The following KHSRP variants were observed in gnomAD, a reference collection of about 807,000 sequenced individuals.
KHSRP encodes the protein KH-type splicing regulatory protein, also known as far upstream element-binding protein 2.
KHSRP carries 13 observed loss-of-function variants against 94.9 expected under a neutral mutation model. That is an observed-to-expected ratio of 0.14 (90% confidence interval 0.09 to 0.22). The LOEUF (loss-of-function observed/expected upper bound fraction) is 0.22, where lower values mean the gene tolerates loss of function less well. Among genes scored for constraint, KHSRP ranks in the 10% least tolerant of loss-of-function variants. The probability of loss-of-function intolerance (pLI) is 1.00; values close to 1 mark genes in which losing one functional copy is unlikely to be tolerated. For missense variants in KHSRP, 710 were observed against 1,010.0 expected, an observed-to-expected ratio of 0.70 and a Z score of 4.03; for synonymous variants, 495 against 401.4, an observed-to-expected ratio of 1.23 and a Z score of -2.79.
Position 6,414,266 on chromosome 19 carries a change from G to T in KHSRP, c.*758C>A. ...CTGCGCTGGCTCAGGCTGGAAGGAC[G>T]TGCTTGTTAACTGTCTAGCCAGGTG... is the stretch of plus-strand genomic sequence containing the variant. On this transcript the variant is annotated 3_prime_UTR_variant, in exon 19 of 19. Coordinates refer to ENST00000600480, the MANE Select transcript of KHSRP (RefSeq NM_001366299.1). The T allele has an allele frequency of 2.1e-6, 3 of 1,458,790 alleles. No homozygotes were observed. The highest frequency in any genetic ancestry group is 2.7e-6 in the Non-Finnish European group (3 of 1,102,078). The allele number at this position is 1,458,790 out of a possible 1,614,324, so 90.4% of individuals were successfully genotyped here.
Position 6,414,827 on chromosome 19 carries a change from T to TGCCC in KHSRP, c.*193_*196dup, listed in dbSNP as rs1014318888. The TGCCC allele has an allele frequency of 1.6e-6, 2 of 1,227,250 alleles. No homozygotes were observed. Among genetic ancestry groups the TGCCC allele is most frequent in the African/African-American group, 3.1e-5 (2 of 64,064 alleles). 76.0% of individuals were successfully genotyped at this position (1,227,250 alleles called of 1,614,324 possible). ...GTGCCCACCGTCCGCGCTGTCTGCCTGCCCCCCGACTCCCCAGCAGTTCAG... is the reference window on the plus strand; with the variant it reads ...GTGCCCACCGTCCGCGCTGTCTGCCTGCCCGCCCCCCGACTCCCCAGCAGTTCAG... On this transcript the variant is annotated 3_prime_UTR_variant, in exon 19 of 19. Coordinates refer to ENST00000600480, the MANE Select transcript of KHSRP (RefSeq NM_001366299.1).
At position 6,414,840 on chromosome 19, in the gene KHSRP, C is replaced by G; in HGVS notation, c.*184G>C. 1 of 1,260,346 alleles carries G rather than the reference C, an allele frequency of 7.9e-7. No homozygotes were observed. The highest frequency in any genetic ancestry group is 1.0e-6 in the Non-Finnish European group (1 of 1,001,022). The allele number at this position is 1,260,346 out of a possible 1,614,324, so 78.1% of individuals were successfully genotyped here. On this transcript the variant is annotated 3_prime_UTR_variant, in exon 19 of 19. Coordinates refer to ENST00000600480, the MANE Select transcript of KHSRP (RefSeq NM_001366299.1). ...GCGCTGTCTGCCTGCCCCCCGACTCCCCAGCAGTTCAGAAGTCCCGCCTGC... is the reference window on the plus strand; with the variant it reads ...GCGCTGTCTGCCTGCCCCCCGACTCGCCAGCAGTTCAGAAGTCCCGCCTGC...
At position 6,414,875 on chromosome 19, in the gene KHSRP, C is replaced by T. The variant is rs2092131218; in HGVS notation, c.*149G>A. On this transcript the variant is annotated 3_prime_UTR_variant, in exon 19 of 19. Coordinates refer to ENST00000600480, the MANE Select transcript of KHSRP (RefSeq NM_001366299.1). ...CAGAAGTCCCGCCTGCGAGTCTCAG[C>T]GCTCCCCAGCATCACGACAGCGGCA... 3.7e-6 allele frequency: 5 copies of T among 1,334,188 alleles called. No individual in the cohort carries two copies. Among genetic ancestry groups the T allele is most frequent in the East Asian group, 3.0e-5 (1 of 32,798 alleles). The allele number at this position is 1,334,188 out of a possible 1,614,324, so 82.6% of individuals were successfully genotyped here.
chr19:6,416,918 T>C, intron 12 of KHSRP, 36 bp from the exon 13 acceptor site: 2 of 1,612,770 alleles, frequency 1.2e-6, no homozygotes, highest in Non-Finnish European at 8.5e-7. Flanking sequence ...TGATGAACCC[T>C]GGAAGCCGGT....
rs781745418 is a variant in KHSRP, at chr19:6,416,320, C to G, written c.1576G>C (p.Gly526Arg). ...CACTGTGGGGGAGCCCCGGGTGGCC[C>G]CTGGTTGAAGGGCCCAGGATTGAAG... ...GPFNPGPFNQ[G>R]PPGAPPHAGG... Residue 526 changes from glycine to arginine, a missense_variant, in exon 15 of 19, where the codon GGG becomes CGG. Coordinates refer to ENST00000600480, the MANE Select transcript of KHSRP (RefSeq NM_001366299.1). 2.5e-6 allele frequency: 4 copies of G among 1,603,114 alleles called. No homozygotes were observed. In the Admixed American group the frequency reaches 7.2e-5, roughly 29 times the overall value.
rs970940254 is a variant in KHSRP, at chr19:6,422,129, G to C, written c.346+211C>G. Among the ~76,000 whole-genome samples, 3 of 152,136 alleles carry C rather than the reference G, an allele frequency of 2.0e-5. No individual in the cohort carries two copies. In the South Asian group the frequency reaches 6.2e-4, roughly 31 times the overall value. ...AATCATCTTGGGAACTTACAACTTC[G>C]ACCCAGTCACAATCAATCTGCCCTC... is the stretch of plus-strand genomic sequence containing the variant. On this transcript the variant is annotated intron_variant, in intron 2 of 18. Coordinates refer to ENST00000600480, the MANE Select transcript of KHSRP (RefSeq NM_001366299.1).
intron 3 of KHSRP, 45 bp from the exon 4 acceptor site, chr19:6,421,362 C>T (rs181452781): frequency 0.015 from 23,456 of 1,561,820 alleles, 246 homozygotes; most frequent in South Asian, 0.031. Flanking sequence ...AGCTCCTCCT[C>T]GGGCACTTGG....
intron 3 of KHSRP, 108 bp from the exon 4 acceptor site, chr19:6,421,425 C>A (rs1238781349): frequency 2.4e-5 from 28 of 1,191,298 alleles, no homozygotes; most frequent in Non-Finnish European, 3.4e-5. Context: ...GGTCCCCAGC[C>A]TGCTCCAGTG....
Position 6,414,739 on chromosome 19 carries a change from GA to G in KHSRP, c.*284del, listed in dbSNP as rs375287015. The G allele has an allele frequency of 2.8e-6, 3 of 1,065,136 alleles. No individual in the cohort carries two copies. The highest frequency in any genetic ancestry group is 5.0e-5 in the Admixed American group (1 of 19,954). 66.0% of individuals were successfully genotyped at this position (1,065,136 alleles called of 1,614,324 possible). On this transcript the variant is annotated 3_prime_UTR_variant, in exon 19 of 19. Transcript: ENST00000600480. ...ACCAAAAAAGTGATGCAGAGAAGGG[GA>G]AAAAATAGACGTTTTCTTCCCAAGT... is the stretch of plus-strand genomic sequence containing the variant.
intron 11 of KHSRP, among the ~76,000 whole-genome samples, 186 bp from the exon 12 acceptor site, chr19:6,417,273 C>T (rs886315716): frequency 2.6e-5 from 4 of 152,220 alleles, no homozygotes; most frequent in African/African-American, 4.8e-5. Context: ...GAAGGAAACC[C>T]ACGGCCAAGC....
In KHSRP at chr19:6,414,053, A is replaced by T. The variant is rs1353208728; in HGVS notation, c.*971T>A. The T allele has an allele frequency of 2.5e-6, 4 of 1,577,254 alleles. No homozygotes were observed. The African/African-American group carries it at 4.1e-5, about 16-fold the overall frequency. On this transcript the variant is annotated 3_prime_UTR_variant, in exon 19 of 19. Transcript: ENST00000600480. ...CCAAACAAAACAGAAGCCCCCAAACAGAACAAAATGGAAAAAAAAAAGATT... is the reference window on the plus strand; with the variant it reads ...CCAAACAAAACAGAAGCCCCCAAACTGAACAAAATGGAAAAAAAAAAGATT...
chr19:6,414,961 G>A lies in KHSRP; in HGVS notation c.*63C>T, dbSNP rs2092132177. The A allele has an allele frequency of 1.9e-5, 27 of 1,434,264 alleles. No individual in the cohort carries two copies. Among genetic ancestry groups the A allele is most frequent in the Non-Finnish European group, 2.5e-5 (27 of 1,099,638 alleles). The allele number at this position is 1,434,264 out of a possible 1,614,324, so 88.8% of individuals were successfully genotyped here. A position where few individuals can be genotyped will look rare whatever the true frequency, so the allele number is the denominator to read the frequency against. The stretch of plus-strand genomic sequence containing the variant: ...CGTTTAACCTCTGGACCCAGCGAAT[G>A]CTTCCCTGGCGGTGCGTGGGGACTC... On this transcript the variant is annotated 3_prime_UTR_variant, in exon 19 of 19. Transcript: ENST00000600480.
At chr19:6,419,151 C>A in intron 7 of KHSRP, 52 bp downstream of exon 7, 1 of 1,508,962 alleles carries the variant, frequency 6.6e-7, no homozygotes, top group Non-Finnish European at 9.0e-7. Flanking sequence ...ACGGACAGAG[C>A]AGGCTTCTGC....
At position 6,418,929 on chromosome 19, in the gene KHSRP, C is replaced by G. The variant is rs2092175676; in HGVS notation, c.606-53G>C. ...CGGGTGCCACCGCTGGAGAAAGGTA[C>G]TGGTCTGGTGGCCCACCCAGCTCAA... On this transcript the variant is annotated intron_variant, in intron 7 of 18. Coordinates refer to ENST00000600480, the MANE Select transcript of KHSRP (RefSeq NM_001366299.1). This position sits in a 1 kb window ranked among gnomAD's most constrained non-coding sequence, Gnocchi z 4.3. 1 of 1,488,096 alleles carries G rather than the reference C, an allele frequency of 6.7e-7. No individual in the cohort carries two copies. Among genetic ancestry groups the G allele is most frequent in the East Asian group, 2.3e-5 (1 of 43,070 alleles). The allele number at this position is 1,488,096 out of a possible 1,614,324, so 92.2% of individuals were successfully genotyped here.
chr19:6,416,686 G>C (rs1174777607), intron 13 of KHSRP, 36 bp from the exon 14 acceptor site: 1 of 1,613,184 alleles, frequency 6.2e-7, no homozygotes, highest in East Asian at 2.2e-5. Flanking sequence ...GGCCTGCAGT[G>C]ATGGCCCAGG....
Position 6,418,338 on chromosome 19 carries a change from C to T in KHSRP, c.879+145G>A, listed in dbSNP as rs1278080578. On this transcript the variant is annotated intron_variant, in intron 9 of 18. Coordinates refer to ENST00000600480, the MANE Select transcript of KHSRP (RefSeq NM_001366299.1). This position sits in a 1 kb window ranked among gnomAD's most constrained non-coding sequence, Gnocchi z 4.3. ...TGGGAGTCAGTTCAGGGCCATCCTA[C>T]GAGCCAGCGCTCTTGCAAGCCTCTT... 1.7e-5 allele frequency: 12 copies of T among 685,970 alleles called. No individual in the cohort carries two copies. The highest frequency in any genetic ancestry group is 8.8e-5 in the South Asian group (5 of 57,040). 42.5% of individuals were successfully genotyped at this position (685,970 alleles called of 1,614,324 possible).
In KHSRP at chr19:6,416,845, G is replaced by A; in HGVS notation, c.1220C>T (p.Pro407Leu). ...TCTTCCTCGGCCTCGGCCCCCCGGG[G>A]GCATGCCTGGACCCCCTGGAGGACC... ...PPGPPGGPGM[P>L]PGGRGRGRGQ... The change falls in exon 13 of 19, where the codon CCC (proline) becomes CTC (leucine). Residue 407 changes from proline to leucine, a missense_variant. Physicochemically the swap from Pro to Leu is moderately conservative, Grantham distance 98 (BLOSUM62 -3). Coordinates refer to ENST00000600480, the MANE Select transcript of KHSRP (RefSeq NM_001366299.1). 6 of 1,599,894 alleles carry A rather than the reference G, an allele frequency of 3.8e-6. No individual in the cohort carries two copies. Among genetic ancestry groups the A allele is most frequent in the Non-Finnish European group, 5.1e-6 (6 of 1,173,418 alleles).
chr19:6,419,079 T>G (rs2092177322), intron 7 of KHSRP, 124 bp downstream of exon 7: 1 of 1,157,866 alleles, frequency 8.6e-7, no homozygotes, highest in Non-Finnish European at 1.2e-6. Flanking sequence ...AACATGGCTG[T>G]CTGGAGATGG....
Position 6,421,837 on chromosome 19 carries a change from CCT to C in KHSRP, c.347-151_347-150del, listed in dbSNP as rs1307077038. 5.4e-5 allele frequency: 47 copies of C among 877,126 alleles called. No individual in the cohort carries two copies. The East Asian group carries it at 6.9e-4, about 13-fold the overall frequency. The allele number at this position is 877,126 out of a possible 1,614,324, so 54.3% of individuals were successfully genotyped here. A position where few individuals can be genotyped will look rare whatever the true frequency, so the allele number is the denominator to read the frequency against. The stretch of plus-strand genomic sequence containing the variant: ...GACAGGAGCCCAGGAGAGACTGGCC[CCT>C]GAGGGAGGCCAGACCCCGCCAATTC... On this transcript the variant is annotated intron_variant, in intron 2 of 18. Transcript: ENST00000600480.
Sources: allele counts gnomAD v4.1 joint callset (sites outside exome capture counted in the v4.1 genomes callset), GRCh38; gene constraint gnomAD v4.1.1; non-coding constraint Gnocchi (gnomAD v3.1); transcripts MANE v1.5; gene names NCBI Gene and HGNC (gene_info 2026-07-23, HGNC 2026-07-21).